Variants in ATP2B2 observed in about 807,000 individuals in gnomAD.
ATP2B2 encodes the protein plasma membrane calcium-transporting ATPase 2.
A neutral mutation model predicts 120.0 loss-of-function variants in ATP2B2; 15 were observed. The observed-to-expected ratio is 0.12, with a 90% confidence interval of 0.08 to 0.19. ATP2B2 has a LOEUF of 0.19. Among genes scored for constraint, ATP2B2 ranks in the 10% least tolerant of loss-of-function variants. The pLI is 1.00. For synonymous variants in ATP2B2, 694 were observed against 700.3 expected (o/e 0.99, Z 0.14); for missense variants, 1,045 against 1,719.8 (o/e 0.61, Z 6.94).
intron 1 of ATP2B2, among the ~76,000 whole-genome samples, chr3:10,466,541 G>T (rs1250148723): frequency 6.6e-6 from 1 of 152,186 alleles, no homozygotes; most frequent in East Asian, 1.9e-4. Flanking sequence ...TTGGAAGGTG[G>T]ATGGGTAGCA....
chr3:10,336,002 G>A (rs1046909311), intron 22 of ATP2B2: 1 of 1,176,276 alleles, frequency 8.5e-7, no homozygotes. Context: ...TCGGTGGCTG[G>A]GACCCTTCAT....
intron 11 of ATP2B2, among the ~76,000 whole-genome samples, chr3:10,372,684 A>G (rs888228490): frequency 1.2e-4 from 18 of 152,260 alleles, no homozygotes; most frequent in African/African-American, 3.6e-4. Flanking sequence ...AAACATATCA[A>G]CTATTAGCTA....
chr3:10,650,774 G>A (rs2070438770), intron 1 of ATP2B2, among the ~76,000 whole-genome samples: 1 of 152,194 alleles, frequency 6.6e-6, no homozygotes, highest in South Asian at 2.1e-4. Flanking sequence ...CTTGCACCGT[G>A]CACCTGGAAA....
intron 2 of ATP2B2, among the ~76,000 whole-genome samples, chr3:10,559,194 G>T (rs530365592): frequency 2.6e-5 from 4 of 152,300 alleles, no homozygotes; most frequent in African/African-American, 9.6e-5. Context: ...CTTTATTTAA[G>T]CTTGGAGTGA....
chr3:10,340,234 G>A lies in ATP2B2; in HGVS notation c.3237+8C>T. 1 of 1,613,688 alleles carries A rather than the reference G, an allele frequency of 6.2e-7. No homozygotes were observed. The highest frequency in any genetic ancestry group is 8.5e-7 in the Non-Finnish European group (1 of 1,179,852). On this transcript the variant is annotated splice_region_variant and intron_variant, in intron 21 of 22. Coordinates refer to ENST00000360273, the MANE Select transcript of ATP2B2 (RefSeq NM_001001331.4). The surrounding 1 kb of genome is among the most constrained non-coding windows in gnomAD (Gnocchi z 5.0). The stretch of plus-strand genomic sequence containing the variant: ...ACAGGCACCTCCTGCGACCTACCAG[G>A]AACTTACCTGGCCCCAAACGAGCTC...
intron 22 of ATP2B2, chr3:10,336,433 T>A: frequency 1.1e-6 from 1 of 924,750 alleles, no homozygotes; most frequent in Non-Finnish European, 1.6e-6. Flanking sequence ...AAAACAAAAA[T>A]ACCAGACACA....
At chr3:10,351,982 C>G (rs703909) in intron 14 of ATP2B2, among the ~76,000 whole-genome samples, 21,527 of 152,252 alleles carry the variant, frequency 0.14, 1,861 homozygotes, top group East Asian at 0.37. Context: ...TCTTGAGCCA[C>G]TCAGTTTGTG....
chr3:10,616,766 C>G (rs971599045), intron 2 of ATP2B2, among the ~76,000 whole-genome samples: 1 of 152,042 alleles, frequency 6.6e-6, no homozygotes, highest in Non-Finnish European at 1.5e-5. Context: ...AAACAGTGAA[C>G]ATTCCACTAG....
chr3:10,651,698 AGGGTGAATGGATGGATGGATGGATGGAT>A (rs965933683), intron 1 of ATP2B2, among the ~76,000 whole-genome samples: 8 of 150,840 alleles, frequency 5.3e-5, no homozygotes, highest in Non-Finnish European at 1.2e-4. Context: ...GGTGGATGGA[AGGGTGAATGGATGGATGGATGGATGGAT>A]GGGTGAATGC....
In ATP2B2 at chr3:10,416,965, C is replaced by T. The variant is rs183914559; in HGVS notation, c.200-6150G>A. On this transcript the variant is annotated intron_variant, in intron 2 of 22. Coordinates refer to ENST00000360273, the MANE Select transcript of ATP2B2 (RefSeq NM_001001331.4). ...CCAGATGGTGGGTGGCGGGGCAGAG[C>T]GGCTCCTCACTTCCCAGATGGTGAG... 2.8e-3 allele frequency among the ~76,000 whole-genome samples: 375 copies of T among 135,456 alleles called. 1 individual carries two copies. Among genetic ancestry groups the T allele is most frequent in the African/African-American group, 0.01 (345 of 34,114 alleles). The allele number at this position is 135,456 out of a possible 152,430, so 88.9% of individuals were successfully genotyped here.
rs565046382 is a variant in ATP2B2, at chr3:10,520,361, T to A, written c.-320+13678A>T. Among the ~76,000 whole-genome samples the A allele has an allele frequency of 7.7e-4, 117 of 152,232 alleles. 1 individual carries two copies. The highest frequency in any genetic ancestry group is 2.7e-3 in the African/African-American group (112 of 41,538). ...GACTCCTGCCCTTGCGAGGTAATAG[T>A]GGAGGCTGGGAGAACCCCTCACCTC... On this transcript the variant is annotated intron_variant, in intron 3 of 21. Transcript: ENST00000646379.
chr3:10,424,344 T>C (rs2063082493), intron 2 of ATP2B2, among the ~76,000 whole-genome samples: 1 of 152,242 alleles, frequency 6.6e-6, no homozygotes, highest in South Asian at 2.1e-4. Context: ...TATCATGTTG[T>C]CTGCTTCAGG....
chr3:10,626,595 G>T (rs2069707382), intron 1 of ATP2B2: 1 of 151,694 alleles, frequency 6.6e-6, no homozygotes, highest in Non-Finnish European at 1.5e-5. Context: ...ATGGATGGAT[G>T]GATGGATGGA....
At chr3:10,503,408 C>A (rs976218801) in intron 1 of ATP2B2, among the ~76,000 whole-genome samples, 11 of 152,232 alleles carry the variant, frequency 7.2e-5, no homozygotes, top group African/African-American at 2.2e-4. Flanking sequence ...ATCAATAACC[C>A]AAGATGGCCT....
Position 10,329,025 on chromosome 3 carries a change from C to T in ATP2B2, c.3521G>A (p.Arg1174Gln), listed in dbSNP as rs1215036750. ...GATGTGGGGCTGGGAATCTTCGATC[C>T]GGAATTCAGGATGAGCCATGAAGTT... Reference protein sequence around the residue: ...IHNFMAHPEFRIEDSQPHIPL... With the variant: ...IHNFMAHPEFQIEDSQPHIPL... Residue 1174 changes from arginine to glutamine, a missense_variant, in exon 23 of 23, where the codon CGG (arginine) becomes CAG (glutamine). Transcript: ENST00000360273. This position sits in a 1 kb window ranked among gnomAD's most constrained non-coding sequence, Gnocchi z 5.9. 6 of 1,613,746 alleles carry T rather than the reference C, an allele frequency of 3.7e-6. No individual in the cohort carries two copies. Among genetic ancestry groups the T allele is most frequent in the Non-Finnish European group, 4.2e-6 (5 of 1,180,008 alleles).
chr3:10,350,230 G>A lies in ATP2B2; in HGVS notation c.2317-31C>T, dbSNP rs376833352. The stretch of plus-strand genomic sequence containing the variant: ...GAGGGATGGGGAAGGGGGCGGGTCG[G>A]TGGGGTCGGGGAGAGAAACTGAGGC... On this transcript the variant is annotated intron_variant, in intron 15 of 22. Transcript: ENST00000360273. The A allele has an allele frequency of 3.4e-5, 53 of 1,543,228 alleles. No individual in the cohort carries two copies. In the African/African-American group the frequency reaches 6.4e-4, roughly 19 times the overall value.
intron 2 of ATP2B2, among the ~76,000 whole-genome samples, chr3:10,606,796 T>G (rs1218162301): frequency 6.6e-6 from 1 of 151,888 alleles, no homozygotes; most frequent in Non-Finnish European, 1.5e-5. Context: ...CATTCCTCCC[T>G]AAGTCTCCCT....
At chr3:10,688,876 C>T (rs905334843) in intron 1 of ATP2B2, among the ~76,000 whole-genome samples, 31 of 152,050 alleles carry the variant, frequency 2.0e-4, no homozygotes, top group African/African-American at 4.8e-5. Flanking sequence ...GGGTGGCCTT[C>T]GGTTGAAAAA....
intron 1 of ATP2B2, among the ~76,000 whole-genome samples, chr3:10,698,695 T>C (rs1559526532): frequency 6.6e-6 from 1 of 152,200 alleles, no homozygotes; most frequent in Non-Finnish European, 1.5e-5. Context: ...CAAGATGGCA[T>C]CTGCAAAGAC....
Sources: gnomAD v4.1 joint callset for allele counts (sites outside exome capture counted in the v4.1 genomes callset) on GRCh38, gnomAD v4.1.1 for gene constraint, Gnocchi (gnomAD v3.1) non-coding constraint, MANE v1.5 for transcripts, NCBI Gene and HGNC (gene_info 2026-07-23, HGNC 2026-07-21) for gene names.